The following SRGAP3 variants were observed in gnomAD, a reference collection of about 807,000 sequenced individuals.
The protein encoded by SRGAP3 is SLIT-ROBO Rho GTPase activating protein 3.
SRGAP3 carries 39 observed loss-of-function variants against 121.1 expected under a neutral mutation model. The ratio of observed to expected loss-of-function variants is 0.32; its 90% confidence interval spans 0.25 to 0.42. The LOEUF (loss-of-function observed/expected upper bound fraction) is 0.42. Ranked by LOEUF, SRGAP3 falls within the 10% of genes least tolerant of loss-of-function variation. SRGAP3 has a pLI of 1.00. For synonymous variants in SRGAP3, 601 were observed against 570.0 expected, an observed-to-expected ratio of 1.05 and a Z score of -0.77; for missense variants, 1,213 against 1,470.6, an observed-to-expected ratio of 0.82 and a Z score of 2.86.
chr3:9,069,146 C>A (rs1946561219), intron 4 of SRGAP3, among the ~76,000 whole-genome samples: 1 of 152,132 alleles, frequency 6.6e-6, no homozygotes, highest in African/African-American at 2.4e-5. Flanking sequence ...TTTCCTTGTA[C>A]CCCTTTCTCA....
At position 9,099,927 on chromosome 3, in the gene SRGAP3, C is replaced by T. The variant is rs116772827; in HGVS notation, c.423+4753G>A. The stretch of plus-strand genomic sequence containing the variant: ...TCAAGGAGCCAAGTAAGGTAAAATA[C>T]GCCAGCAGGGTCAGTGGAGTGGCAG... On this transcript the variant is annotated intron_variant, in intron 3 of 21. Transcript: ENST00000383836. Among the ~76,000 whole-genome samples the T allele has an allele frequency of 1.5e-3, 224 of 152,304 alleles. 2 individuals are homozygous for T. Among genetic ancestry groups the T allele is most frequent in the African/African-American group, 4.8e-3 (200 of 41,580 alleles).
chr3:9,105,423 C>T (rs1948386206), intron 2 of SRGAP3, among the ~76,000 whole-genome samples: 1 of 152,182 alleles, frequency 6.6e-6, no homozygotes, highest in Non-Finnish European at 1.5e-5. Context: ...AAGGAAAATG[C>T]AAGTACCTAC....
chr3:9,210,309 C>T (rs1301503705), intron 1 of SRGAP3, among the ~76,000 whole-genome samples: 3 of 152,190 alleles, frequency 2.0e-5, no homozygotes, highest in South Asian at 2.1e-4. Flanking sequence ...ACATAATTCA[C>T]ATTTCAGTAG....
At chr3:8,996,544 G>A (rs1942412404) in intron 18 of SRGAP3, among the ~76,000 whole-genome samples, 1 of 152,220 alleles carries the variant, frequency 6.6e-6, no homozygotes, top group Admixed American at 6.5e-5. Context: ...TTCTAACCTG[G>A]GTGTTGGGAG....
At chr3:9,072,721 T>C (rs759895005) in intron 4 of SRGAP3, among the ~76,000 whole-genome samples, 1 of 152,248 alleles carries the variant, frequency 6.6e-6, no homozygotes, top group South Asian at 2.1e-4. Flanking sequence ...AGCCCCACTA[T>C]CTGGCACTGG....
At chr3:9,161,807 G>A (rs73019355) in intron 1 of SRGAP3, among the ~76,000 whole-genome samples, 1,790 of 152,286 alleles carry the variant, frequency 0.012, 19 homozygotes, top group Non-Finnish European at 0.016. Flanking sequence ...CTTTAGACCA[G>A]GCCAGTAGCT....
intron 18 of SRGAP3, among the ~76,000 whole-genome samples, chr3:8,995,994 G>A (rs1014372920): frequency 1.3e-5 from 2 of 152,054 alleles, no homozygotes; most frequent in African/African-American, 2.4e-5. Context: ...CGTCTTCATC[G>A]ATCTATTCAT....
intron 1 of SRGAP3, among the ~76,000 whole-genome samples, chr3:9,213,722 G>A (rs1422030865): frequency 6.6e-6 from 1 of 152,148 alleles, no homozygotes; most frequent in Non-Finnish European, 1.5e-5. Flanking sequence ...GGGCCCACAA[G>A]GCCCTCCATG....
At chr3:9,356,212 G>C (rs77555148) in intron 1 of SRGAP3, among the ~76,000 whole-genome samples, 7 of 52,660 alleles carry the variant, frequency 1.3e-4, no homozygotes, top group South Asian at 6.6e-4. Flanking sequence ...TTTTTTTTTT[G>C]AGACAGGATC....
At chr3:9,087,472 G>C (rs151237798) in intron 3 of SRGAP3, among the ~76,000 whole-genome samples, 1 of 152,100 alleles carries the variant, frequency 6.6e-6, no homozygotes, top group Non-Finnish European at 1.5e-5. Context: ...GGCAGGAGGC[G>C]GAAAGGGCCA....
At chr3:9,091,069 C>A (rs1947734837) in intron 3 of SRGAP3, among the ~76,000 whole-genome samples, 1 of 151,992 alleles carries the variant, frequency 6.6e-6, no homozygotes, top group South Asian at 2.1e-4. Context: ...GTTTTAAGAA[C>A]AAGACCTCTC....
In SRGAP3 at chr3:8,981,516, A is replaced by G. The variant is rs2124873748; in HGVS notation, c.*4003T>C. ...ACCCGAGTCCTCGTGTTTTTCCATT[A>G]GCTGTGGACATGCACTGAATGCCAC... On this transcript the variant is annotated 3_prime_UTR_variant, in exon 22 of 22. Transcript: ENST00000383836. The G allele has an allele frequency of 8.6e-6, 2 of 232,838 alleles. No individual in the cohort carries two copies. Among genetic ancestry groups the G allele is most frequent in the East Asian group, 1.2e-4 (2 of 16,476 alleles). 14.4% of individuals were successfully genotyped at this position (232,838 alleles called of 1,614,324 possible).
chr3:9,088,184 C>A (rs1362512111), intron 3 of SRGAP3, among the ~76,000 whole-genome samples: 1 of 152,184 alleles, frequency 6.6e-6, no homozygotes, highest in Non-Finnish European at 1.5e-5. Context: ...TCACTGCCCA[C>A]ATTTTCCACA....
At chr3:9,301,146 C>T (rs1340780359) in intron 3 of SRGAP3, among the ~76,000 whole-genome samples, 4 of 152,188 alleles carry the variant, frequency 2.6e-5, no homozygotes, top group Non-Finnish European at 5.9e-5. Context: ...CAGCCTCTTC[C>T]GGCCCTGACT....
At chr3:9,166,005 G>A (rs180830758) in intron 1 of SRGAP3, among the ~76,000 whole-genome samples, 310 of 152,166 alleles carry the variant, frequency 2.0e-3, no homozygotes, top group African/African-American at 6.9e-3. Context: ...TCACTGTATC[G>A]CCATCAATCA....
intron 10 of SRGAP3, 130 bp from the exon 11 acceptor site, chr3:9,038,220 A>C: frequency 7.9e-7 from 1 of 1,273,304 alleles, no homozygotes; most frequent in South Asian, 1.3e-5. Flanking sequence ...ATTATGCCTA[A>C]GGTGCGGTCT....
At chr3:9,126,287 T>A (rs1390502948) in intron 1 of SRGAP3, among the ~76,000 whole-genome samples, 1 of 152,178 alleles carries the variant, frequency 6.6e-6, no homozygotes, top group East Asian at 1.9e-4. Flanking sequence ...TGATGCAGTG[T>A]CCCAAAATGT....
At chr3:9,210,159 G>A (rs139370679) in intron 1 of SRGAP3, among the ~76,000 whole-genome samples, 16 of 152,320 alleles carry the variant, frequency 1.1e-4, no homozygotes, top group Non-Finnish European at 1.8e-4. Flanking sequence ...ATGAGAACAC[G>A]GAGTGACTGC....
chr3:9,345,162 G>A (rs1411860598), intron 1 of SRGAP3, among the ~76,000 whole-genome samples: 1 of 152,208 alleles, frequency 6.6e-6, no homozygotes, highest in Admixed American at 6.5e-5. Context: ...GCCAGATTGT[G>A]ACTCAAAGAC....
Sources: allele counts gnomAD v4.1 joint callset (sites outside exome capture counted in the v4.1 genomes callset), GRCh38; gene constraint gnomAD v4.1.1; transcripts MANE v1.5; gene names NCBI Gene and HGNC (gene_info 2026-07-23, HGNC 2026-07-21).